MARCHF1: variants seen among roughly 807,000 people sequenced by gnomAD.
MARCHF1 encodes the protein E3 ubiquitin-protein ligase MARCHF1.
In MARCHF1, 40 loss-of-function variants were observed where a neutral mutation model predicts 54.2. The ratio of observed to expected loss-of-function variants is 0.74; its 90% confidence interval spans 0.57 to 0.96. MARCHF1 has a LOEUF of 0.96. Ranked by LOEUF, MARCHF1 falls within the 40% of genes least tolerant of loss-of-function variation. MARCHF1 has a pLI of 0.00. For synonymous variants in MARCHF1, 236 were observed against 236.3 expected (o/e 1.00, Z 0.01); for missense variants, 586 against 656.5 (o/e 0.89, Z 1.17).
intron 7 of MARCHF1, among the ~76,000 whole-genome samples, chr4:163,595,626 T>A (rs1475865958): frequency 6.6e-6 from 1 of 152,142 alleles, no homozygotes; most frequent in East Asian, 1.9e-4. Context: ...TTTGAGGAAA[T>A]TATGCCAAAT....
intron 1 of MARCHF1, among the ~76,000 whole-genome samples, chr4:164,129,058 G>A (rs1452190522): frequency 1.3e-5 from 2 of 152,184 alleles, no homozygotes; most frequent in Non-Finnish European, 2.9e-5. Flanking sequence ...GCTTATGAAA[G>A]TGAAGTCAAG....
intron 4 of MARCHF1, among the ~76,000 whole-genome samples, chr4:163,718,607 G>A (rs537145932): frequency 6.6e-6 from 1 of 152,262 alleles, no homozygotes; most frequent in East Asian, 1.9e-4. Flanking sequence ...CAGTCATTAT[G>A]TTTCAGCCAT....
chr4:163,789,957 T>C (rs1390196533), intron 4 of MARCHF1, among the ~76,000 whole-genome samples: 1 of 152,092 alleles, frequency 6.6e-6, no homozygotes, highest in East Asian at 1.9e-4. Context: ...TTGACAATGA[T>C]ATAACATTAA....
chr4:163,778,915 C>T (rs1747383606), intron 4 of MARCHF1, among the ~76,000 whole-genome samples: 2 of 151,980 alleles, frequency 1.3e-5, no homozygotes, highest in Admixed American at 6.6e-5. Flanking sequence ...GAGTAAAAGC[C>T]CTGACTCCAC....
Position 163,700,837 on chromosome 4 carries a change from T to G in MARCHF1, c.138A>C (p.Ala46=). Residue 46 remains alanine, a synonymous_variant, in exon 5 of 10, where the codon GCA becomes GCC. Transcript: ENST00000514618. ...CTTTTGAAATGTTACTTGATCGACT[T>G]GCAGATCGCCCTGGGGATTTTTCAT... ...TLNEKSPGRS[A]SRSSNISKAS... 6.5e-7 allele frequency: 1 copy of G among 1,536,418 alleles called. No individual in the cohort carries two copies. The highest frequency in any genetic ancestry group is 2.5e-5 in the East Asian group (1 of 40,810).
chr4:163,641,513 G>T (rs1461733184), intron 5 of MARCHF1, among the ~76,000 whole-genome samples: 1 of 152,168 alleles, frequency 6.6e-6, no homozygotes, highest in East Asian at 1.9e-4. Flanking sequence ...AAGACGAGAA[G>T]TAGGAAGCTA....
intron 4 of MARCHF1, among the ~76,000 whole-genome samples, chr4:163,815,410 G>A (rs114674326): frequency 1.8e-3 from 281 of 152,334 alleles, no homozygotes; most frequent in Non-Finnish European, 3.5e-3. Context: ...CATCTATTAT[G>A]AGTAATGCAC....
At chr4:163,846,809 T>G (rs1353526049) in intron 4 of MARCHF1, among the ~76,000 whole-genome samples, 1 of 152,100 alleles carries the variant, frequency 6.6e-6, no homozygotes, top group Non-Finnish European at 1.5e-5. Context: ...TTAATAGAGC[T>G]TTATAAGAAA....
Position 163,612,918 on chromosome 4 carries a change from C to G in MARCHF1, c.363G>C (p.Arg121Ser). 1 of 1,535,386 alleles carries G rather than the reference C, an allele frequency of 6.5e-7. No homozygotes were observed. The highest frequency in any genetic ancestry group is 8.7e-7 in the Non-Finnish European group (1 of 1,146,470). The change falls in exon 7 of 10, where the codon AGG becomes AGC. Residue 121 changes from arginine (R) to serine (S), a missense_variant. Coordinates refer to ENST00000514618, the MANE Select transcript of MARCHF1 (RefSeq NM_001394959.1). ...GCTCATATCTCTCAGAGGCTTTTCT[C>G]CTCCTCCTAGGTCTTTGTATTACTG... The part of the protein sequence containing the change: ...KKSVIQRPRR[R>S]RKASERYEHA...
chr4:164,258,570 C>T (rs1254544778), intron 1 of MARCHF1, among the ~76,000 whole-genome samples: 2 of 151,876 alleles, frequency 1.3e-5, no homozygotes, highest in Non-Finnish European at 2.9e-5. Flanking sequence ...GTTCTTTTCC[C>T]AGTAAATGTA....
chr4:164,113,745 C>A (rs1036344460), intron 1 of MARCHF1, among the ~76,000 whole-genome samples: 1 of 151,922 alleles, frequency 6.6e-6, no homozygotes, highest in African/African-American at 2.4e-5. Context: ...AACCATTAGA[C>A]ATGAGATTTA....
chr4:164,197,821 C>T (rs1371816373), intron 1 of MARCHF1: 2 of 1,530,864 alleles, frequency 1.3e-6, no homozygotes, highest in East Asian at 2.3e-5. Context: ...CAGCTCCGCT[C>T]GGTTCTCGAG....
At chr4:163,987,995 G>A (rs535028488) in intron 3 of MARCHF1, among the ~76,000 whole-genome samples, 58 of 152,304 alleles carry the variant, frequency 3.8e-4, no homozygotes, top group African/African-American at 1.2e-3. Context: ...CACTGCCAAC[G>A]AATGAAGTGC....
At chr4:163,557,274 A>G (rs1739323679) in intron 8 of MARCHF1, among the ~76,000 whole-genome samples, 1 of 152,218 alleles carries the variant, frequency 6.6e-6, no homozygotes, top group Non-Finnish European at 1.5e-5. Flanking sequence ...AAAGTGTAAA[A>G]TGCTCATTTG....
chr4:163,963,373 A>T (rs2110816961), intron 3 of MARCHF1, among the ~76,000 whole-genome samples: 1 of 152,046 alleles, frequency 6.6e-6, no homozygotes, highest in South Asian at 2.1e-4. Context: ...ACCAGTTGAT[A>T]ACAAAATGAC....
intron 1 of MARCHF1, among the ~76,000 whole-genome samples, chr4:164,141,961 G>GGCGCAGGTCAGTGGGTGC (rs1167378118): frequency 1.3e-5 from 2 of 152,058 alleles, no homozygotes; most frequent in African/African-American, 2.4e-5. Flanking sequence ...TCAGTGGGTG[G>GGCGCAGGTCAGTGGGTGC]GCGCACCGTG....
chr4:164,107,363 TTTC>T (rs1755729472), intron 2 of MARCHF1, among the ~76,000 whole-genome samples: 1 of 152,090 alleles, frequency 6.6e-6, no homozygotes. Flanking sequence ...ATTAATTTCT[TTTC>T]TTATTAACTT....
chr4:164,269,876 T>A (rs1447356756), intron 1 of MARCHF1, among the ~76,000 whole-genome samples: 3 of 152,160 alleles, frequency 2.0e-5, no homozygotes, highest in Non-Finnish European at 4.4e-5. Flanking sequence ...TAGCGTTATT[T>A]GTTTGTTCTT....
rs1327005165 is a variant in MARCHF1, at chr4:164,340,405, T to TTTTATATATATATATATATA, written c.-323+43464_-323+43465insTATATATATATATATATAAA. On this transcript the variant is annotated intron_variant, in intron 1 of 9. Transcript: ENST00000514618. ...ACAGCACATGCCACCAGGCCTTGATTTATATATAGATATATATATATATAT... is the reference window on the plus strand; with the variant it reads ...ACAGCACATGCCACCAGGCCTTGATTTTTATATATATATATATATATATATATAGATATATATATATATAT... Among the ~76,000 whole-genome samples, 653 of 95,486 alleles carry TTTTATATATATATATATATA rather than the reference T, an allele frequency of 6.8e-3. 64 individuals are homozygous for TTTTATATATATATATATATA. The highest frequency in any genetic ancestry group is 0.015 in the Admixed American group (116 of 7,982). The allele number at this position is 95,486 out of a possible 152,430, so 62.6% of individuals were successfully genotyped here. A position where few individuals can be genotyped will look rare whatever the true frequency, so the allele number is the denominator to read the frequency against.
Sources: allele counts gnomAD v4.1 joint callset (sites outside exome capture counted in the v4.1 genomes callset), GRCh38; gene constraint gnomAD v4.1.1; transcripts MANE v1.5; gene names NCBI Gene and HGNC (gene_info 2026-07-23, HGNC 2026-07-21).